ENAM: variants seen among roughly 807,000 people sequenced by gnomAD.
ENAM encodes the protein amelogenesis imperfecta 2, hypocalcification (autosomal dominant).
Under a neutral mutation model 33.6 loss-of-function variants are expected in ENAM, and 21 were observed. The observed-to-expected ratio is 0.63, with a 90% CI of 0.44 to 0.90. ENAM has a LOEUF of 0.90. ENAM is among the 40% of genes least tolerant of loss of function. The pLI, the probability that ENAM is intolerant of heterozygous loss-of-function variation, is 0.00. For missense variants in ENAM, 1,388 were observed against 1,366.9 expected (o/e 1.02, Z -0.24); for synonymous variants, 473 against 468.4 (o/e 1.01, Z -0.13).
chr4:70,632,298 T>C (rs1353763720), intron 4 of ENAM, among the ~76,000 whole-genome samples: 1 of 152,174 alleles, frequency 6.6e-6, no homozygotes, highest in African/African-American at 2.4e-5. Flanking sequence ...AATCATCTTG[T>C]CACATAATTC....
chr4:70,643,659 G>T lies in ENAM; in HGVS notation c.2233G>T (p.Gly745Cys). 1 of 1,614,084 alleles carries T rather than the reference G, an allele frequency of 6.2e-7. No individual in the cohort carries two copies. The highest frequency in any genetic ancestry group is 8.5e-7 in the Non-Finnish European group (1 of 1,179,996). The change falls in exon 9 of 9, where the codon GGC (glycine) becomes TGC (cysteine). Residue 745 changes from glycine (G) to cysteine (C), a missense_variant. Coordinates refer to ENST00000396073, the MANE Select transcript of ENAM (RefSeq NM_031889.3). ...STMPPPIESR[G>C]YYVNNAAGPE... is the part of the protein sequence containing the mutation. Reference sequence around the variant, plus strand: ...TATGCCACCACCTATAGAGAGCAGGGGCTACTACGTTAATAATGCCGCTGG... The same window carrying T: ...TATGCCACCACCTATAGAGAGCAGGTGCTACTACGTTAATAATGCCGCTGG...
In ENAM at chr4:70,644,572, C is replaced by A. The variant is rs758533070; in HGVS notation, c.3146C>A (p.Pro1049Gln). 6.2e-7 allele frequency: 1 copy of A among 1,613,258 alleles called. No individual in the cohort carries two copies. Among genetic ancestry groups the A allele is most frequent in the African/African-American group, 1.3e-5 (1 of 74,982 alleles). The change falls in exon 9 of 9, where the codon CCA becomes CAA. Residue 1049 changes from proline to glutamine, a missense_variant. Physicochemically the swap from Pro to Gln is moderately conservative, Grantham distance 76. Coordinates refer to ENST00000396073, the MANE Select transcript of ENAM (RefSeq NM_031889.3). ...GAGAGTGAGAGGCAACAGCAAAGACCATCTAACATTCTGCATTTGCCATGC... is the reference window on the plus strand; with the variant it reads ...GAGAGTGAGAGGCAACAGCAAAGACAATCTAACATTCTGCATTTGCCATGC... ...ENESERQQQRPSNILHLPCFG... is the reference protein window; with the variant it reads ...ENESERQQQRQSNILHLPCFG...
chr4:70,640,950 A>C (rs1738580489), intron 8 of ENAM, among the ~76,000 whole-genome samples: 1 of 152,198 alleles, frequency 6.6e-6, no homozygotes, highest in African/African-American at 2.4e-5. Flanking sequence ...TGCAGAAGCA[A>C]GATTAAAGGA....
intron 2 of ENAM, 123 bp from the exon 3 acceptor site, chr4:70,631,547 A>C (rs1252035406): frequency 4.0e-6 from 3 of 748,234 alleles, no homozygotes; most frequent in Non-Finnish European, 7.2e-6. Flanking sequence ...AACTGGCAGC[A>C]GGGGCCCCAT....
intron 7 of ENAM, among the ~76,000 whole-genome samples, chr4:70,636,306 T>C (rs1738450886): frequency 1.3e-5 from 2 of 152,166 alleles, no homozygotes; most frequent in South Asian, 4.1e-4. Context: ...ATTTTCATCC[T>C]ATCTTACTGT....
intron 4 of ENAM, among the ~76,000 whole-genome samples, chr4:70,632,371 A>G (rs1738344988): frequency 6.6e-6 from 1 of 152,126 alleles, no homozygotes; most frequent in Middle Eastern, 3.2e-3. Context: ...TTTACAGTAG[A>G]TCAGACTTTT....
At position 70,642,834 on chromosome 4, in the gene ENAM, A is replaced by T. The variant is rs771871043; in HGVS notation, c.1408A>T (p.Asn470Tyr). 1.2e-6 allele frequency: 2 copies of T among 1,613,960 alleles called. No homozygotes were observed. Among genetic ancestry groups the T allele is most frequent in the South Asian group, 1.1e-5 (1 of 91,080 alleles). ...TCAACAGTATGAAGTTAATAAATCA[A>T]ATTATAAACTGCCTCACTCTGAGGG... The part of the protein sequence containing the change: ...NSQQYEVNKS[N>Y]YKLPHSEGYM... Residue 470 changes from asparagine to tyrosine, a missense_variant, in exon 9 of 9, where the codon AAT becomes TAT. Asn to Tyr is a moderately radical substitution (Grantham distance 143, BLOSUM62 -2). Transcript: ENST00000396073.
rs558821513 is a variant in ENAM at position 70,641,854 on chromosome 4, T to C, written c.589-161T>C. Among the ~76,000 whole-genome samples, 10 of 152,234 alleles carry C rather than the reference T, an allele frequency of 6.6e-5. No homozygotes were observed. The South Asian group carries it at 2.1e-3, about 32-fold the overall frequency. On this transcript the variant is annotated intron_variant, in intron 8 of 8. Coordinates refer to ENST00000396073, the MANE Select transcript of ENAM (RefSeq NM_031889.3). ...GAGAGAACCAGAAAGAGTATGGTCATGGAAACCAAGGAAGAATCAAATTTC... is the reference window on the plus strand; with the variant it reads ...GAGAGAACCAGAAAGAGTATGGTCACGGAAACCAAGGAAGAATCAAATTTC...
In ENAM at chr4:70,642,186, A is replaced by C; in HGVS notation, c.760A>C (p.Thr254Pro). The change falls in exon 9 of 9, where the codon ACC becomes CCC. Residue 254 changes from threonine (T) to proline (P), a missense_variant. Thr to Pro is a conservative substitution (Grantham distance 38). Coordinates refer to ENST00000396073, the MANE Select transcript of ENAM (RefSeq NM_031889.3). ...TTCAACAGTCACTGAGACGAATTCTACCCAACCAAATCCTAAAGGGAGTCA... is the reference window on the plus strand; with the variant it reads ...TTCAACAGTCACTGAGACGAATTCTCCCCAACCAAATCCTAAAGGGAGTCA... ...ANSTVTETNS[T>P]QPNPKGSQGG... is the part of the protein sequence containing the mutation. 1 of 1,614,204 alleles carries C rather than the reference A, an allele frequency of 6.2e-7. No individual in the cohort carries two copies. Among genetic ancestry groups the C allele is most frequent in the South Asian group, 1.1e-5 (1 of 91,078 alleles).
chr4:70,643,471 C>A lies in ENAM; in HGVS notation c.2045C>A (p.Thr682Lys). Residue 682 changes from threonine to lysine, a missense_variant, in exon 9 of 9, where the codon ACA becomes AAA. Physicochemically the swap from Thr to Lys is moderately conservative, Grantham distance 78. Coordinates refer to ENST00000396073, the MANE Select transcript of ENAM (RefSeq NM_031889.3). ...GAGTTGAGCTTCAAAGGAGGCCCAACAGTTAGGCACTATGAAGGTGAACAA... is the reference window on the plus strand; with the variant it reads ...GAGTTGAGCTTCAAAGGAGGCCCAAAAGTTAGGCACTATGAAGGTGAACAA... ...GEELSFKGGP[T>K]VRHYEGEQYT... is the part of the protein sequence containing the mutation. 1 of 1,614,118 alleles carries A rather than the reference C, an allele frequency of 6.2e-7. No homozygotes were observed. The highest frequency in any genetic ancestry group is 8.5e-7 in the Non-Finnish European group (1 of 1,179,990).
rs749804792 is a variant in ENAM at position 70,644,637 on chromosome 4, G to A, written c.3211G>A (p.Gly1071Arg). The A allele has an allele frequency of 1.2e-5, 20 of 1,613,770 alleles. No individual in the cohort carries two copies. The highest frequency in any genetic ancestry group is 3.3e-4 in the Middle Eastern group (2 of 6,082). The change falls in exon 9 of 9, where the codon GGA (glycine) becomes AGA (arginine). Residue 1071 changes from glycine (G) to arginine (R), a missense_variant. Gly to Arg is a moderately radical substitution (Grantham distance 125). Coordinates refer to ENST00000396073, the MANE Select transcript of ENAM (RefSeq NM_031889.3). ...KLAKHHSSTT[G>R]TPSSDGRQSP... is the part of the protein sequence containing the mutation. Reference sequence around the variant, plus strand: ...AGCAAAGCATCACTCTTCCACCACCGGAACTCCATCTAGCGATGGAAGGCA... The same window carrying A: ...AGCAAAGCATCACTCTTCCACCACCAGAACTCCATCTAGCGATGGAAGGCA...
chr4:70,638,653 T>C (rs1738521794), intron 8 of ENAM, among the ~76,000 whole-genome samples: 2 of 151,664 alleles, frequency 1.3e-5, no homozygotes, highest in South Asian at 4.2e-4. Flanking sequence ...ATTTTGTAAG[T>C]AAGTCTTTTC....
chr4:70,632,393 T>C (rs1738345686), intron 4 of ENAM, among the ~76,000 whole-genome samples: 1 of 152,082 alleles, frequency 6.6e-6, no homozygotes, highest in Non-Finnish European at 1.5e-5. Flanking sequence ...TTTTCTATGA[T>C]TCTCTATTGA....
In ENAM at chr4:70,643,524, C is replaced by T. The variant is rs372577583; in HGVS notation, c.2098C>T (p.Leu700Phe). 2 of 1,614,052 alleles carry T rather than the reference C, an allele frequency of 1.2e-6. No homozygotes were observed. The highest frequency in any genetic ancestry group is 2.2e-5 in the South Asian group (2 of 91,080). ...TACCTCAAATCAGCCAAAGGAATAT[C>T]TTCCCTATTCTTTAGATAATCCATC... ...QYTSNQPKEY[L>F]PYSLDNPSKP... Residue 700 changes from leucine to phenylalanine, a missense_variant, in exon 9 of 9, where the codon CTT becomes TTT. Physicochemically the swap from Leu to Phe is conservative, Grantham distance 22. Transcript: ENST00000396073.
chr4:70,639,283 C>T (rs16845251), intron 8 of ENAM, among the ~76,000 whole-genome samples: 20,874 of 136,344 alleles, frequency 0.15, 4,625 homozygotes, highest in African/African-American at 0.55. Flanking sequence ...GCAGTTATCA[C>T]AGGCTTTAAG....
rs1738723219 is a variant in ENAM at position 70,645,061 on chromosome 4, G to C, written c.*206G>C. 1 of 610,122 alleles carries C rather than the reference G, an allele frequency of 1.6e-6. No homozygotes were observed. The highest frequency in any genetic ancestry group is 2.9e-6 in the Non-Finnish European group (1 of 342,444). 37.8% of individuals were successfully genotyped at this position (610,122 alleles called of 1,614,324 possible). On this transcript the variant is annotated 3_prime_UTR_variant, in exon 9 of 9. Coordinates refer to ENST00000396073, the MANE Select transcript of ENAM (RefSeq NM_031889.3). Reference sequence around the variant, plus strand: ...GATCACCAGATCTAGCACTTTCACAGATTAGTGCAGACCTTAAAAAAGCAA... The same window carrying C: ...GATCACCAGATCTAGCACTTTCACACATTAGTGCAGACCTTAAAAAAGCAA...
rs138772888 is a variant in ENAM at position 70,635,501 on chromosome 4, A to T, written c.472-331A>T. On this transcript the variant is annotated intron_variant, in intron 6 of 8. Transcript: ENST00000396073. ...CTGGATTGGAATCCTGGCTTCAGTGATTTACGAGCAATGAGATTTTGGGCA... is the reference window on the plus strand; with the variant it reads ...CTGGATTGGAATCCTGGCTTCAGTGTTTTACGAGCAATGAGATTTTGGGCA... 3.1e-4 allele frequency among the ~76,000 whole-genome samples: 47 copies of T among 152,336 alleles called. No homozygotes were observed. The East Asian group carries it at 8.9e-3, about 29-fold the overall frequency.
Sources: allele counts gnomAD v4.1 joint callset (sites outside exome capture counted in the v4.1 genomes callset), GRCh38; gene constraint gnomAD v4.1.1; transcripts MANE v1.5; gene names NCBI Gene and HGNC (gene_info 2026-07-23, HGNC 2026-07-21).